Variants in AUTS2 observed in about 807,000 individuals in gnomAD.
AUTS2 encodes the protein autism susceptibility gene 2 protein.
AUTS2 carries 17 observed loss-of-function variants against 112.4 expected under a neutral mutation model. The ratio of observed to expected loss-of-function variants is 0.15; its 90% CI spans 0.10 to 0.23. The LOEUF (loss-of-function observed/expected upper bound fraction) is 0.23. AUTS2 is among the 10% of genes least tolerant of loss of function. AUTS2 has a pLI of 1.00. For synonymous variants in AUTS2, 751 were observed against 702.7 expected (o/e 1.07, Z -1.09); for missense variants, 1,510 against 1,701.6 (o/e 0.89, Z 1.98).
chr7:70,099,923 A>G (rs1465345331), intron 2 of AUTS2, among the ~76,000 whole-genome samples: 1 of 152,160 alleles, frequency 6.6e-6, no homozygotes, highest in Non-Finnish European at 1.5e-5. Context: ...TCTGATTTGT[A>G]GTTTGTTTGG....
chr7:69,609,471 G>A (rs1052414696), intron 1 of AUTS2, among the ~76,000 whole-genome samples: 2 of 152,082 alleles, frequency 1.3e-5, no homozygotes, highest in African/African-American at 2.4e-5. Context: ...TTATAAGGAT[G>A]TAAAATAAAA....
chr7:69,839,072 G>A (rs1385868088), intron 1 of AUTS2, among the ~76,000 whole-genome samples: 3 of 152,154 alleles, frequency 2.0e-5, no homozygotes, highest in Non-Finnish European at 4.4e-5. Flanking sequence ...AGATTTGCAG[G>A]ATTTCTGTTC....
chr7:70,153,096 A>G (rs1293308816), intron 4 of AUTS2, among the ~76,000 whole-genome samples: 13 of 152,214 alleles, frequency 8.5e-5, no homozygotes, highest in Admixed American at 6.5e-4. Context: ...AAGAAAGCAC[A>G]TGTCCATACA....
chr7:70,415,015 A>G (rs1794932031), intron 4 of AUTS2, among the ~76,000 whole-genome samples: 2 of 152,190 alleles, frequency 1.3e-5, no homozygotes, highest in Admixed American at 1.3e-4. Context: ...ATGACAGCAT[A>G]TTAACACAGA....
At chr7:70,194,168 G>A (rs1810048291) in intron 4 of AUTS2, among the ~76,000 whole-genome samples, 1 of 152,220 alleles carries the variant, frequency 6.6e-6, no homozygotes, top group South Asian at 2.1e-4. Flanking sequence ...CCAGCACTTT[G>A]GGAGGTCAAG....
intron 1 of AUTS2, among the ~76,000 whole-genome samples, chr7:69,892,144 G>A (rs1039788157): frequency 6.7e-6 from 1 of 148,586 alleles, no homozygotes; most frequent in African/African-American, 2.5e-5. Context: ...TAAAAAATTG[G>A]GTTGTTTCCT....
At chr7:70,259,948 CTG>C (rs138063893) in intron 4 of AUTS2, among the ~76,000 whole-genome samples, 3,518 of 152,224 alleles carry the variant, frequency 0.023, 86 homozygotes, top group South Asian at 0.062. Context: ...GTGGTTAAAA[CTG>C]TGAATCAAGA....
At chr7:69,926,799 A>T (rs1422112094) in intron 2 of AUTS2, among the ~76,000 whole-genome samples, 1 of 146,886 alleles carries the variant, frequency 6.8e-6, no homozygotes, top group Non-Finnish European at 1.5e-5. Context: ...ATATATATAA[A>T]ATATATATAA....
intron 1 of AUTS2, among the ~76,000 whole-genome samples, chr7:69,816,333 T>C (rs1312435623): frequency 1.3e-5 from 2 of 152,178 alleles, no homozygotes; most frequent in African/African-American, 4.8e-5. Flanking sequence ...ATTGAATCAG[T>C]TGGGGTTAGT....
intron 5 of AUTS2, among the ~76,000 whole-genome samples, chr7:70,556,186 G>A (rs1229669555): frequency 4.0e-5 from 6 of 151,728 alleles, no homozygotes; most frequent in Non-Finnish European, 8.8e-5. Context: ...GAGAGAGAGA[G>A]GGGCGATGCC....
chr7:70,065,621 C>T (rs181820218), intron 2 of AUTS2, among the ~76,000 whole-genome samples: 79 of 152,096 alleles, frequency 5.2e-4, no homozygotes, highest in Admixed American at 1.8e-3. Context: ...TGCTTGAACC[C>T]GAGAGGCGGA....
intron 5 of AUTS2, among the ~76,000 whole-genome samples, chr7:70,654,644 T>C (rs1233827781): frequency 1.3e-5 from 2 of 152,222 alleles, no homozygotes; most frequent in Non-Finnish European, 2.9e-5. Flanking sequence ...CTCTAGACTT[T>C]CTCAGCATAA....
chr7:70,190,294 G>A (rs1446482816), intron 4 of AUTS2, among the ~76,000 whole-genome samples: 1 of 152,144 alleles, frequency 6.6e-6, no homozygotes, highest in Non-Finnish European at 1.5e-5. Flanking sequence ...CAAGATAGAT[G>A]TTTGAACGGA....
At chr7:70,133,224 T>C (rs185534574) in intron 3 of AUTS2, among the ~76,000 whole-genome samples, 2 of 152,294 alleles carry the variant, frequency 1.3e-5, no homozygotes, top group East Asian at 3.9e-4. Context: ...ATACTGTTCT[T>C]GTTTGATGTA....
chr7:69,954,595 C>G (rs563113900), intron 2 of AUTS2, among the ~76,000 whole-genome samples: 1 of 152,304 alleles, frequency 6.6e-6, no homozygotes, highest in East Asian at 1.9e-4. Context: ...GTGCCTTGTT[C>G]TCAAAACCAT....
intron 1 of AUTS2, among the ~76,000 whole-genome samples, chr7:69,676,800 A>G (rs1022231918): frequency 7.1e-6 from 1 of 140,386 alleles, no homozygotes; most frequent in Non-Finnish European, 1.5e-5. Context: ...TATTCCTGAA[A>G]CTCTGGTTTT....
At chr7:70,444,685 G>A in intron 5 of AUTS2, among the ~76,000 whole-genome samples, 1 of 152,144 alleles carries the variant, frequency 6.6e-6, no homozygotes, top group Admixed American at 6.6e-5. Flanking sequence ...AGTTCTAGCT[G>A]TAGACCTGCA....
intron 5 of AUTS2, among the ~76,000 whole-genome samples, chr7:70,559,025 A>G (rs1281247650): frequency 6.6e-6 from 1 of 152,138 alleles, no homozygotes; most frequent in Non-Finnish European, 1.5e-5. Context: ...GGTGGGAGGT[A>G]ATTGAATCAC....
chr7:69,714,531 T>C (rs1300884555), intron 1 of AUTS2, among the ~76,000 whole-genome samples: 1 of 152,172 alleles, frequency 6.6e-6, no homozygotes, highest in Non-Finnish European at 1.5e-5. Context: ...GTGTGATCTA[T>C]GTAAAAATTC....
Sources: allele counts gnomAD v4.1 joint callset (sites outside exome capture counted in the v4.1 genomes callset), GRCh38; gene constraint gnomAD v4.1.1; transcripts MANE v1.5; gene names NCBI Gene and HGNC (gene_info 2026-07-23, HGNC 2026-07-21).